NXPH1: variants seen among roughly 807,000 people sequenced by gnomAD.
NXPH1 encodes neurexophilin-1.
In NXPH1, 5 loss-of-function variants were observed where a neutral mutation model predicts 23.7. The ratio of observed to expected loss-of-function variants is 0.21; its 90% CI spans 0.11 to 0.44. The LOEUF (loss-of-function observed/expected upper bound fraction) is 0.44. Ranked by LOEUF, NXPH1 falls within the 20% of genes least tolerant of loss-of-function variation. The probability of loss-of-function intolerance (pLI) is 0.99; values close to 1 mark genes in which losing one functional copy is unlikely to be tolerated. For missense variants in NXPH1, 324 were observed against 321.6 expected (o/e 1.01, Z -0.06); for synonymous variants, 144 against 122.2 (o/e 1.18, Z -1.18).
At chr7:8,520,208 G>T (rs1035314777) in intron 2 of NXPH1, among the ~76,000 whole-genome samples, 2 of 152,088 alleles carry the variant, frequency 1.3e-5, no homozygotes, top group Non-Finnish European at 2.9e-5. Flanking sequence ...ATCCATTGCC[G>T]CTATCCATCC....
At chr7:8,686,235 T>C (rs1324016244) in intron 2 of NXPH1, among the ~76,000 whole-genome samples, 1 of 152,178 alleles carries the variant, frequency 6.6e-6, no homozygotes, top group Non-Finnish European at 1.5e-5. Context: ...CTCTTTCTAG[T>C]TTGCATTTAG....
intron 2 of NXPH1, among the ~76,000 whole-genome samples, chr7:8,495,227 A>G (rs759131884): frequency 1.4e-4 from 22 of 151,854 alleles, no homozygotes; most frequent in Non-Finnish European, 2.9e-4. Flanking sequence ...TTGAATCTCA[A>G]GGTAGTCTGG....
Position 8,442,443 on chromosome 7 carries a change from G to C in NXPH1, c.54+6676G>C, listed in dbSNP as rs1038329084. On this transcript the variant is annotated intron_variant, in intron 2 of 2. Coordinates refer to ENST00000405863, the MANE Select transcript of NXPH1 (RefSeq NM_152745.3). The surrounding 1 kb of genome is among the most constrained non-coding windows in gnomAD (Gnocchi z 4.6). Reference sequence around the variant, plus strand: ...TCTGAAGCGAAGGATCCTAGCTGCCGCGGCTAAGGGCGCAGGGGGAGGCCG... The same window carrying C: ...TCTGAAGCGAAGGATCCTAGCTGCCCCGGCTAAGGGCGCAGGGGGAGGCCG... Among the ~76,000 whole-genome samples, 2 of 152,190 alleles carry C rather than the reference G, an allele frequency of 1.3e-5. No homozygotes were observed. The highest frequency in any genetic ancestry group is 2.9e-5 in the Non-Finnish European group (2 of 68,040).
intron 2 of NXPH1, among the ~76,000 whole-genome samples, chr7:8,462,778 C>G (rs1356725191): frequency 6.6e-6 from 1 of 152,134 alleles, no homozygotes; most frequent in Non-Finnish European, 1.5e-5. Context: ...AGATGAATAC[C>G]TTTGCATATT....
intron 2 of NXPH1, among the ~76,000 whole-genome samples, chr7:8,618,915 C>A (rs887575454): frequency 6.6e-6 from 1 of 152,030 alleles, no homozygotes; most frequent in African/African-American, 2.4e-5. Flanking sequence ...GTTTTTTTCT[C>A]TTTTGCTGCT....
chr7:8,502,553 CATT>C (rs1817453992), intron 2 of NXPH1, among the ~76,000 whole-genome samples: 1 of 151,588 alleles, frequency 6.6e-6, no homozygotes, highest in African/African-American at 2.4e-5. Context: ...CAATATAAAG[CATT>C]AGTGGTGTGA....
chr7:8,537,437 C>T (rs961376111), intron 2 of NXPH1, among the ~76,000 whole-genome samples: 2 of 151,908 alleles, frequency 1.3e-5, no homozygotes, highest in Non-Finnish European at 2.9e-5. Context: ...GCAAACATGT[C>T]CTTCACATGG....
intron 2 of NXPH1, among the ~76,000 whole-genome samples, chr7:8,595,880 C>T (rs1383935264): frequency 6.6e-6 from 1 of 151,910 alleles, no homozygotes; most frequent in Non-Finnish European, 1.5e-5. Context: ...GGTTTTACAG[C>T]CTGTTCTCTA....
At chr7:8,598,531 G>A (rs1372471173) in intron 2 of NXPH1, among the ~76,000 whole-genome samples, 1 of 152,184 alleles carries the variant, frequency 6.6e-6, no homozygotes, top group Non-Finnish European at 1.5e-5. Flanking sequence ...CCCTTGCTTG[G>A]TTATTCCTAA....
chr7:8,635,669 T>C (rs1232866292), intron 2 of NXPH1, among the ~76,000 whole-genome samples: 2 of 152,188 alleles, frequency 1.3e-5, no homozygotes, highest in African/African-American at 4.8e-5. Context: ...TTTGAAATAT[T>C]TAAAAAGAAA....
chr7:8,536,284 T>C (rs772016328), intron 2 of NXPH1, among the ~76,000 whole-genome samples: 2 of 152,078 alleles, frequency 1.3e-5, no homozygotes, highest in African/African-American at 4.8e-5. Context: ...TGAAGCTCAA[T>C]GCTGATCACA....
At chr7:8,501,146 T>C (rs779272496) in intron 2 of NXPH1, among the ~76,000 whole-genome samples, 2 of 152,094 alleles carry the variant, frequency 1.3e-5, no homozygotes, top group Non-Finnish European at 2.9e-5. Flanking sequence ...ACAGATACGA[T>C]TTTTGTCATC....
At chr7:8,709,651 A>G (rs970656100) in intron 2 of NXPH1, among the ~76,000 whole-genome samples, 14 of 152,210 alleles carry the variant, frequency 9.2e-5, no homozygotes, top group African/African-American at 3.4e-4. Flanking sequence ...AACCCAAAAG[A>G]TTTCTGACTA....
intron 2 of NXPH1, among the ~76,000 whole-genome samples, chr7:8,603,031 G>A (rs878948812): frequency 6.6e-6 from 1 of 152,050 alleles, no homozygotes; most frequent in Non-Finnish European, 1.5e-5. Context: ...GGTTGGTCTC[G>A]AACTTCTAGC....
chr7:8,546,379 G>A (rs1318881795), intron 2 of NXPH1, among the ~76,000 whole-genome samples: 1 of 151,328 alleles, frequency 6.6e-6, no homozygotes, highest in East Asian at 2.0e-4. Context: ...TGGTTTTTGG[G>A]CCTATTATTA....
At chr7:8,500,384 C>T (rs553896552) in intron 2 of NXPH1, among the ~76,000 whole-genome samples, 1 of 152,170 alleles carries the variant, frequency 6.6e-6, no homozygotes, top group Admixed American at 6.5e-5. Context: ...TGATGAATAG[C>T]ACAGACTTTA....
At chr7:8,655,653 T>C (rs1412263540) in intron 2 of NXPH1, among the ~76,000 whole-genome samples, 1 of 152,114 alleles carries the variant, frequency 6.6e-6, no homozygotes, top group African/African-American at 2.4e-5. Flanking sequence ...TATTGAAAGA[T>C]TTTCTTCATA....
chr7:8,488,522 A>G (rs1817198798), intron 2 of NXPH1, among the ~76,000 whole-genome samples: 1 of 152,132 alleles, frequency 6.6e-6, no homozygotes, highest in African/African-American at 2.4e-5. Context: ...TGGTTTTGTA[A>G]TTCTTTCTCC....
intron 2 of NXPH1, among the ~76,000 whole-genome samples, chr7:8,529,004 C>G (rs1817909830): frequency 6.6e-6 from 1 of 152,222 alleles, no homozygotes; most frequent in African/African-American, 2.4e-5. Context: ...TGTCCTCTTC[C>G]AAGTTCACCA....
Sources: allele counts gnomAD v4.1 joint callset (sites outside exome capture counted in the v4.1 genomes callset), GRCh38; gene constraint gnomAD v4.1.1; non-coding constraint Gnocchi (gnomAD v3.1); transcripts MANE v1.5; gene names NCBI Gene and HGNC (gene_info 2026-07-23, HGNC 2026-07-21).